TRAK2: variants seen among roughly 807,000 people sequenced by gnomAD.
TRAK2 encodes trafficking kinesin protein 2, also known as trafficking kinesin-binding protein 2.
A neutral mutation model predicts 104.6 loss-of-function variants in TRAK2; 81 were observed. That is an observed-to-expected ratio of 0.77 (90% CI 0.65 to 0.93). The LOEUF (loss-of-function observed/expected upper bound fraction) is 0.93. Ranked by LOEUF, TRAK2 falls within the 40% of genes least tolerant of loss-of-function variation. TRAK2 has a pLI of 0.00. For missense variants in TRAK2, 1,002 were observed against 1,089.0 expected (o/e 0.92, Z 1.12); for synonymous variants, 406 against 394.4 (o/e 1.03, Z -0.35).
At position 201,386,628 on chromosome 2, in the gene TRAK2, C is replaced by A. The variant is rs1414900268; in HGVS notation, c.1697-144G>T. On this transcript the variant is annotated intron_variant, in intron 13 of 15. Transcript: ENST00000332624. ...GGTGTTAATAATTTGGTAAAAGCTG[C>A]AAATTAAAGTTTTCAGTGGAAGATG... 5 of 1,106,242 alleles carry A rather than the reference C, an allele frequency of 4.5e-6. No homozygotes were observed. In the South Asian group the frequency reaches 4.8e-5, roughly 11 times the overall value. 68.5% of individuals were successfully genotyped at this position (1,106,242 alleles called of 1,614,324 possible). A position where few individuals can be genotyped will look rare whatever the true frequency, so the allele number is the denominator to read the frequency against.
At chr2:201,429,420 T>C (rs1040516963) in intron 1 of TRAK2, among the ~76,000 whole-genome samples, 4 of 152,228 alleles carry the variant, frequency 2.6e-5, no homozygotes, top group African/African-American at 9.6e-5. Flanking sequence ...CTTTGCTAGG[T>C]TGGGGAAGTT....
chr2:201,415,311 C>T (rs533242721), intron 2 of TRAK2, among the ~76,000 whole-genome samples: 21 of 152,158 alleles, frequency 1.4e-4, no homozygotes, highest in African/African-American at 5.1e-4. Context: ...AAACACCTAA[C>T]AATGTAACAT....
At chr2:201,410,885 A>C in intron 2 of TRAK2, 1 of 1,586,834 alleles carries the variant, frequency 6.3e-7, no homozygotes, top group South Asian at 1.1e-5. Flanking sequence ...AAAGCACTGA[A>C]GTTTGGCAAA....
At chr2:201,381,811 T>C (rs1951347908) in intron 15 of TRAK2, among the ~76,000 whole-genome samples, 1 of 152,226 alleles carries the variant, frequency 6.6e-6, no homozygotes, top group South Asian at 2.1e-4. Context: ...TCAAGAAATG[T>C]TAATTTCAAA....
At chr2:201,381,772 A>AT (rs34926038) in intron 15 of TRAK2, among the ~76,000 whole-genome samples, 87,695 of 151,928 alleles carry the variant, frequency 0.58, 26,434 homozygotes, top group South Asian at 0.69. Context: ...TTGAGAAATA[A>AT]AAACTTCTAA....
chr2:201,428,555 T>C (rs138382290), intron 1 of TRAK2, among the ~76,000 whole-genome samples: 277 of 152,368 alleles, frequency 1.8e-3, no homozygotes, highest in Non-Finnish European at 2.5e-3. Context: ...AATACCATGC[T>C]GTTTTGGTTA....
rs371608550 is a variant in TRAK2, at chr2:201,393,056, A to C, written c.976-10T>G. ...CTTGTAACTCGTGCAGCTAAAAGAA[A>C]GGATGGTAGTGTACTTTATTGCCTT... On this transcript the variant is annotated splice_polypyrimidine_tract_variant and intron_variant, in intron 9 of 15. Coordinates refer to ENST00000332624, the MANE Select transcript of TRAK2 (RefSeq NM_015049.3). 6.2e-7 allele frequency: 1 copy of C among 1,606,202 alleles called. No homozygotes were observed. Among genetic ancestry groups the C allele is most frequent in the African/African-American group, 1.3e-5 (1 of 74,592 alleles).
Position 201,380,289 on chromosome 2 carries a change from C to T in TRAK2, c.*254G>A. 1 of 503,860 alleles carries T rather than the reference C, an allele frequency of 2.0e-6. No individual in the cohort carries two copies. The highest frequency in any genetic ancestry group is 3.5e-6 in the Non-Finnish European group (1 of 282,346). 31.2% of individuals were successfully genotyped at this position (503,860 alleles called of 1,614,324 possible). On this transcript the variant is annotated 3_prime_UTR_variant, in exon 16 of 16. Coordinates refer to ENST00000332624, the MANE Select transcript of TRAK2 (RefSeq NM_015049.3). ...TTTTTATGTTCAAGACAAGAAAACT[C>T]AACTGAAGGAGTATATTAAACCTTT...
chr2:201,445,598 G>GT (rs1376098327), intron 1 of TRAK2, among the ~76,000 whole-genome samples: 3 of 152,230 alleles, frequency 2.0e-5, no homozygotes, highest in Non-Finnish European at 2.9e-5. Flanking sequence ...CACACAGGAT[G>GT]TAAGATTTAA....
At chr2:201,398,417 T>C (rs1364803144) in intron 5 of TRAK2, 63 bp from the exon 6 acceptor site, 17 of 1,371,160 alleles carry the variant, frequency 1.2e-5, no homozygotes, top group African/African-American at 2.9e-5. Context: ...GCAATATAGC[T>C]TCTAATTCAT....
At chr2:201,422,328 A>C (rs1206664852) in intron 1 of TRAK2, among the ~76,000 whole-genome samples, 1 of 152,226 alleles carries the variant, frequency 6.6e-6, no homozygotes, top group Non-Finnish European at 1.5e-5. Flanking sequence ...AAGGAATACA[A>C]TGTACTAAAT....
intron 2 of TRAK2, chr2:201,410,602 G>A: frequency 7.9e-7 from 1 of 1,267,320 alleles, no homozygotes; most frequent in Non-Finnish European, 1.2e-6. Flanking sequence ...CATAGCAGTT[G>A]GTGGCTATGC....
chr2:201,389,818 A>C lies in TRAK2; in HGVS notation c.1176T>G (p.Ser392=), dbSNP rs1188245129. ...GTACTTACTTTTGTTTAAAGAGAGA[A>C]GATTCCTCATCCAAACTCAGCTTTT... is the stretch of plus-strand genomic sequence containing the variant. ...MRKKLSLDEE[S]SLFKQKAQQK... The change falls in exon 11 of 16, where the codon TCT becomes TCG. Residue 392 remains serine (S), a synonymous_variant. Transcript: ENST00000332624. 7 of 1,613,214 alleles carry C rather than the reference A, an allele frequency of 4.3e-6. No homozygotes were observed. In the South Asian group the frequency reaches 7.7e-5, roughly 18 times the overall value.
intron 2 of TRAK2, among the ~76,000 whole-genome samples, chr2:201,408,759 A>C (rs1219837826): frequency 1.3e-5 from 2 of 152,244 alleles, no homozygotes; most frequent in Non-Finnish European, 2.9e-5. Flanking sequence ...AACCAGCAGA[A>C]AATAGTTCCA....
At chr2:201,415,455 A>T (rs886539386) in intron 2 of TRAK2, among the ~76,000 whole-genome samples, 1 of 152,154 alleles carries the variant, frequency 6.6e-6, no homozygotes, top group Non-Finnish European at 1.5e-5. Flanking sequence ...ATAAGCAGCA[A>T]TTTTTTATAT....
chr2:201,441,086 T>C (rs1032607400), intron 1 of TRAK2, among the ~76,000 whole-genome samples: 2 of 152,234 alleles, frequency 1.3e-5, no homozygotes, highest in African/African-American at 4.8e-5. Context: ...ACAAAGTTGA[T>C]ATTAATACAT....
rs1362590657 is a variant in TRAK2, at chr2:201,387,482, A to T, written c.1696+221T>A. Among the ~76,000 whole-genome samples, 5 of 152,348 alleles carry T rather than the reference A, an allele frequency of 3.3e-5. No homozygotes were observed. In the East Asian group the frequency reaches 9.6e-4, roughly 29 times the overall value. On this transcript the variant is annotated intron_variant, in intron 13 of 15. Coordinates refer to ENST00000332624, the MANE Select transcript of TRAK2 (RefSeq NM_015049.3). The stretch of plus-strand genomic sequence containing the variant: ...CCTGCTCACGTTTATATTAAAAAAC[A>T]TCAGAAGAGAACTGCTGGCTGATGA...
chr2:201,399,002 T>G (rs16837445), intron 5 of TRAK2, among the ~76,000 whole-genome samples: 4,868 of 152,268 alleles, frequency 0.032, 257 homozygotes, highest in African/African-American at 0.11. Context: ...TTCTTTTTAC[T>G]TTCTTCCTTT....
intron 1 of TRAK2, among the ~76,000 whole-genome samples, chr2:201,444,230 AAAT>A (rs869091571): frequency 9.9e-5 from 15 of 151,858 alleles, no homozygotes; most frequent in African/African-American, 3.4e-4. Flanking sequence ...TAAAAATAAA[AAAT>A]AATAATAATA....
Sources: gnomAD v4.1 joint callset for allele counts (sites outside exome capture counted in the v4.1 genomes callset) on GRCh38, gnomAD v4.1.1 for gene constraint, MANE v1.5 for transcripts, NCBI Gene and HGNC (gene_info 2026-07-23, HGNC 2026-07-21) for gene names.